EAPP: variants seen among roughly 807,000 people sequenced by gnomAD.
EAPP encodes the protein E2F associated phosphoprotein.
A neutral mutation model predicts 34.3 loss-of-function variants in EAPP; 38 were observed. The ratio of observed to expected loss-of-function variants is 1.11; its 90% confidence interval spans 0.85 to 1.45. The LOEUF is 1.45. EAPP is among the 40% of genes most tolerant of loss of function. EAPP has a pLI of 0.00. For synonymous variants in EAPP, 113 were observed against 117.6 expected (o/e 0.96, Z 0.25); for missense variants, 338 against 343.7 (o/e 0.98, Z 0.13).
chr14:34,536,075 A>T lies in EAPP; in HGVS notation c.256+19T>A. 1 of 1,595,156 alleles carries T rather than the reference A, an allele frequency of 6.3e-7. No individual in the cohort carries two copies. Among genetic ancestry groups the T allele is most frequent in the Non-Finnish European group, 8.5e-7 (1 of 1,172,012 alleles). On this transcript the variant is annotated intron_variant, in intron 2 of 5. Coordinates refer to ENST00000250454, the MANE Select transcript of EAPP (RefSeq NM_018453.4). ...ACAGAGCTTACAAAAATATATATAA[A>T]ATTGAACCAAAAGTTTACCAGTTCC...
chr14:34,519,027 A>G (rs1046062845), intron 5 of EAPP, among the ~76,000 whole-genome samples: 2 of 152,106 alleles, frequency 1.3e-5, no homozygotes, highest in South Asian at 2.1e-4. Context: ...CCCTGCCCCA[A>G]TCTCATGTCA....
intron 5 of EAPP, among the ~76,000 whole-genome samples, chr14:34,518,563 C>T (rs796849975): frequency 2.1e-4 from 32 of 152,078 alleles, no homozygotes; most frequent in African/African-American, 4.1e-4. Flanking sequence ...AATCTCCTGA[C>T]GTTGTGATCC....
chr14:34,536,352 CCAA>C (rs1880474330), intron 1 of EAPP, 77 bp from the exon 2 acceptor site: 23 of 1,157,660 alleles, frequency 2.0e-5, no homozygotes, highest in African/African-American at 3.1e-5. Context: ...ATCTCACTGT[CCAA>C]CAACAATTTT....
intron 1 of EAPP, among the ~76,000 whole-genome samples, chr14:34,538,521 C>T (rs570590162): frequency 2.6e-5 from 4 of 152,246 alleles, no homozygotes; most frequent in African/African-American, 9.6e-5. Context: ...ATCTTAACAG[C>T]AGTCTGATTT....
At chr14:34,538,839 G>A (rs1880561589) in intron 1 of EAPP, among the ~76,000 whole-genome samples, 1 of 152,114 alleles carries the variant, frequency 6.6e-6, no homozygotes, top group Admixed American at 6.5e-5. Context: ...GAAATATCTC[G>A]GCAAAACAGC....
intron 4 of EAPP, among the ~76,000 whole-genome samples, chr14:34,527,627 A>C (rs1453258149): frequency 6.6e-6 from 1 of 152,226 alleles, no homozygotes; most frequent in African/African-American, 2.4e-5. Flanking sequence ...TTCAGTCATA[A>C]AAAGTAGAGA....
At position 34,534,131 on chromosome 14, in the gene EAPP, C is replaced by T. The variant is rs117342946; in HGVS notation, c.257-592G>A. On this transcript the variant is annotated intron_variant, in intron 2 of 5. Coordinates refer to ENST00000250454, the MANE Select transcript of EAPP (RefSeq NM_018453.4). Reference sequence around the variant, plus strand: ...TGGAAATCAATGCTGAAGAGTCCTACTTCCTTTTTTTTTTTTTTTGAGACT... The same window carrying T: ...TGGAAATCAATGCTGAAGAGTCCTATTTCCTTTTTTTTTTTTTTTGAGACT... 1.9e-3 allele frequency among the ~76,000 whole-genome samples: 287 copies of T among 150,200 alleles called. 8 individuals carry two copies. In the East Asian group the frequency reaches 0.052, roughly 27 times the overall value.
rs1355651834 is a variant in EAPP, at chr14:34,516,432, C to A, written c.736G>T (p.Ala246Ser). 1 of 1,614,068 alleles carries A rather than the reference C, an allele frequency of 6.2e-7. No homozygotes were observed. The highest frequency in any genetic ancestry group is 1.3e-5 in the African/African-American group (1 of 74,916). Residue 246 changes from alanine (A) to serine (S), a missense_variant, in exon 6 of 6, where the codon GCA becomes TCA. Ala to Ser is a moderately conservative substitution (Grantham distance 99). Transcript: ENST00000250454. ...RSNREDAAEK[A>S]ETDVEEIYHP... ...TAGATTTCTTCCACATCTGTCTCTGCCTTCTCGGCAGCATCTTCCCGGTTA... is the reference window on the plus strand; with the variant it reads ...TAGATTTCTTCCACATCTGTCTCTGACTTCTCGGCAGCATCTTCCCGGTTA...
At chr14:34,536,404 C>T (rs895832721) in intron 1 of EAPP, 129 bp from the exon 2 acceptor site, 159 of 541,528 alleles carry the variant, frequency 2.9e-4, no homozygotes, top group African/African-American at 4.2e-4. Context: ...TTATACATTA[C>T]ATATAGCTAT....
rs542009894 is a variant in EAPP, at chr14:34,526,221, G to A, written c.471-1414C>T. ...TGAGGTGGGTGGATCACAAGGTCAG[G>A]AGTTCAAGACCAGCCTGGCTAACAT... On this transcript the variant is annotated intron_variant, in intron 4 of 5. Transcript: ENST00000250454. Among the ~76,000 whole-genome samples the A allele has an allele frequency of 3.3e-5, 5 of 151,370 alleles. No homozygotes were observed. The East Asian group carries it at 9.8e-4, about 30-fold the overall frequency.
intron 3 of EAPP, among the ~76,000 whole-genome samples, chr14:34,530,460 G>A (rs182836909): frequency 4.8e-4 from 73 of 152,288 alleles, no homozygotes; most frequent in Non-Finnish European, 8.7e-4. Context: ...CTAGGAGTCT[G>A]AGGATGTAGT....
chr14:34,518,167 T>C (rs2138882094), intron 5 of EAPP, among the ~76,000 whole-genome samples: 1 of 152,106 alleles, frequency 6.6e-6, no homozygotes, highest in South Asian at 2.1e-4. Context: ...GTTCTGTAAA[T>C]GTCAGTTAGG....
chr14:34,524,940 A>C, intron 4 of EAPP, 133 bp from the exon 5 acceptor site: 2 of 647,868 alleles, frequency 3.1e-6, no homozygotes, highest in South Asian at 2.0e-5. Flanking sequence ...ACACAAGATG[A>C]ACCTGGAGCA....
intron 3 of EAPP, among the ~76,000 whole-genome samples, chr14:34,529,926 A>G (rs1880227119): frequency 6.6e-6 from 1 of 152,104 alleles, no homozygotes; most frequent in Non-Finnish European, 1.5e-5. Flanking sequence ...TGAGGCAGAA[A>G]AACTGCTTGA....
At chr14:34,518,601 G>A (rs1297590408) in intron 5 of EAPP, among the ~76,000 whole-genome samples, 1 of 152,142 alleles carries the variant, frequency 6.6e-6, no homozygotes, top group Non-Finnish European at 1.5e-5. Flanking sequence ...GAAGTGTTGG[G>A]ATTACAGGCG....
intron 5 of EAPP, among the ~76,000 whole-genome samples, chr14:34,522,349 A>G (rs1879945712): frequency 6.6e-6 from 1 of 152,086 alleles, no homozygotes; most frequent in Non-Finnish European, 1.5e-5. Flanking sequence ...TTTTCTTAAA[A>G]CTGCTATTTT....
intron 5 of EAPP, among the ~76,000 whole-genome samples, chr14:34,518,473 A>G (rs1879811168): frequency 6.6e-6 from 1 of 151,398 alleles, no homozygotes; most frequent in South Asian, 2.1e-4. Context: ...TAGCTAGATT[A>G]CAGGCACCCG....
intron 4 of EAPP, among the ~76,000 whole-genome samples, chr14:34,526,575 A>G (rs1469243327): frequency 1.3e-5 from 2 of 150,722 alleles, no homozygotes; most frequent in Non-Finnish European, 3.0e-5. Context: ...AAATAAAAAA[A>G]AAAATGAAAA....
At chr14:34,523,686 A>C (rs1409993981) in intron 5 of EAPP, among the ~76,000 whole-genome samples, 3 of 151,884 alleles carry the variant, frequency 2.0e-5, no homozygotes, top group African/African-American at 7.3e-5. Flanking sequence ...ACACGCATAC[A>C]TCACTATACT....
Sources: gnomAD v4.1 joint callset for allele counts (sites outside exome capture counted in the v4.1 genomes callset) on GRCh38, gnomAD v4.1.1 for gene constraint, MANE v1.5 for transcripts, NCBI Gene and HGNC (gene_info 2026-07-23, HGNC 2026-07-21) for gene names.